KDM4C: variants seen among roughly 807,000 people sequenced by gnomAD.
KDM4C encodes lysine-specific demethylase 4C.
In KDM4C, 81 loss-of-function variants were observed where a neutral mutation model predicts 129.3. That is an observed-to-expected ratio of 0.63 (90% confidence interval 0.52 to 0.75). KDM4C has a LOEUF of 0.75. Ranked by LOEUF, KDM4C falls within the 30% of genes least tolerant of loss-of-function variation. KDM4C has a pLI of 0.00. For missense variants in KDM4C, 1,457 were observed against 1,304.0 expected (o/e 1.12, Z -1.81); for synonymous variants, 573 against 456.1 (o/e 1.26, Z -3.26).
intron 2 of KDM4C, among the ~76,000 whole-genome samples, chr9:6,793,807 T>C (rs1007544841): frequency 6.6e-6 from 1 of 152,162 alleles, no homozygotes; most frequent in Non-Finnish European, 1.5e-5. Flanking sequence ...CTTCCCAAAG[T>C]GCGGGGATTA....
At chr9:7,095,146 G>C (rs1836273218) in intron 17 of KDM4C, among the ~76,000 whole-genome samples, 1 of 152,218 alleles carries the variant, frequency 6.6e-6, no homozygotes, top group South Asian at 2.1e-4. Flanking sequence ...AAACTCACTT[G>C]TGGGACACAA....
chr9:7,044,381 G>A (rs16925196), intron 15 of KDM4C, among the ~76,000 whole-genome samples: 8,900 of 151,922 alleles, frequency 0.059, 302 homozygotes, highest in South Asian at 0.088. Flanking sequence ...GGCCATATTA[G>A]GTACTGAGAA....
intron 8 of KDM4C, 73 bp downstream of exon 8, chr9:6,893,305 C>T (rs1028178855): frequency 7.2e-6 from 9 of 1,241,708 alleles, no homozygotes; most frequent in South Asian, 1.5e-5. Flanking sequence ...CCCTACGATC[C>T]TGTGCAGCAT....
chr9:7,040,538 G>A (rs1828416932), intron 15 of KDM4C, among the ~76,000 whole-genome samples: 1 of 151,946 alleles, frequency 6.6e-6, no homozygotes, highest in South Asian at 2.1e-4. Flanking sequence ...TCCTCATTCT[G>A]AAGAACTTTA....
At position 7,023,888 on chromosome 9, in the gene KDM4C, C is replaced by T. The variant is rs1355401433; in HGVS notation, c.2259+7959C>T. On this transcript the variant is annotated intron_variant, in intron 15 of 21. Transcript: ENST00000381309. ...TTTCCTTCTTAGTTTCTACATGGAC[C>T]CACTGGTCATTCAGGAGCATATTGT... Among the ~76,000 whole-genome samples, 3 of 152,096 alleles carry T rather than the reference C, an allele frequency of 2.0e-5. No homozygotes were observed. The East Asian group carries it at 5.8e-4, about 29-fold the overall frequency.
At chr9:6,793,619 A>G (rs1380206702) in intron 2 of KDM4C, among the ~76,000 whole-genome samples, 2 of 149,264 alleles carry the variant, frequency 1.3e-5, no homozygotes, top group African/African-American at 5.0e-5. Flanking sequence ...GGCTCACTGC[A>G]ATCTCCACCT....
chr9:6,997,705 C>T (rs948281449), intron 12 of KDM4C, among the ~76,000 whole-genome samples: 7 of 152,162 alleles, frequency 4.6e-5, no homozygotes, highest in Non-Finnish European at 2.9e-5. Flanking sequence ...CTCTCTCTGG[C>T]CTCTTTCCTC....
chr9:6,739,617 T>C (rs1042284398), intron 1 of KDM4C, among the ~76,000 whole-genome samples: 4 of 151,658 alleles, frequency 2.6e-5, no homozygotes, highest in South Asian at 4.2e-4. Context: ...TATGAGTATA[T>C]TGATATGCAG....
At chr9:7,064,119 T>C (rs564072998) in intron 17 of KDM4C, among the ~76,000 whole-genome samples, 2 of 152,296 alleles carry the variant, frequency 1.3e-5, no homozygotes, top group Non-Finnish European at 2.9e-5. Context: ...TGAAGCACTT[T>C]AGATACAACT....
At chr9:6,875,482 T>A (rs1037037340) in intron 5 of KDM4C, among the ~76,000 whole-genome samples, 4 of 152,194 alleles carry the variant, frequency 2.6e-5, no homozygotes, top group Non-Finnish European at 5.9e-5. Flanking sequence ...TTTGTCCTGG[T>A]GCCTGGTAGG....
chr9:6,791,049 A>G (rs1458657854), intron 1 of KDM4C, among the ~76,000 whole-genome samples: 1 of 151,834 alleles, frequency 6.6e-6, no homozygotes, highest in Non-Finnish European at 1.5e-5. Flanking sequence ...TGTCTGGCCA[A>G]CTCCCATACC....
intron 1 of KDM4C, among the ~76,000 whole-genome samples, chr9:6,767,719 A>C (rs1282790406): frequency 6.6e-6 from 1 of 152,114 alleles, no homozygotes; most frequent in African/African-American, 2.4e-5. Context: ...TCAGCCTTCC[A>C]AAGTGCTGGG....
At chr9:6,988,603 T>C (rs1818161625) in intron 11 of KDM4C, among the ~76,000 whole-genome samples, 1 of 152,208 alleles carries the variant, frequency 6.6e-6, no homozygotes, top group Non-Finnish European at 1.5e-5. Context: ...TGTATGCTGA[T>C]AGCTGCTGGC....
chr9:6,854,541 A>C (rs998918431), intron 5 of KDM4C, among the ~76,000 whole-genome samples: 11 of 145,806 alleles, frequency 7.5e-5, no homozygotes, highest in African/African-American at 2.4e-4. Context: ...AAAAAAAAAA[A>C]AAAACAAAAA....
chr9:7,156,136 T>TAACA, intron 19 of KDM4C, among the ~76,000 whole-genome samples: 1 of 152,206 alleles, frequency 6.6e-6, no homozygotes, highest in African/African-American at 2.4e-5. Context: ...ATGTGTCTGT[T>TAACA]GGCTGCATAA....
At chr9:7,092,609 C>T (rs1057060115) in intron 17 of KDM4C, among the ~76,000 whole-genome samples, 3 of 152,082 alleles carry the variant, frequency 2.0e-5, no homozygotes, top group Admixed American at 6.6e-5. Context: ...CTTTTACTGC[C>T]GTGAAGCTTG....
At position 7,019,774 on chromosome 9, in the gene KDM4C, T is replaced by A. The variant is rs994913423; in HGVS notation, c.2259+3845T>A. Among the ~76,000 whole-genome samples, 4 of 130,596 alleles carry A rather than the reference T, an allele frequency of 3.1e-5. No individual in the cohort carries two copies. The Admixed American group carries it at 3.3e-4, about 11-fold the overall frequency. 85.7% of individuals were successfully genotyped at this position (130,596 alleles called of 152,430 possible). ...TTTTATATATAAAAATATAATATTT[T>A]TATATATAAAAATATTTTAGAAGCA... On this transcript the variant is annotated intron_variant, in intron 15 of 21. Coordinates refer to ENST00000381309, the MANE Select transcript of KDM4C (RefSeq NM_015061.6).
At chr9:6,950,601 G>A (rs371262078) in intron 8 of KDM4C, among the ~76,000 whole-genome samples, 1 of 152,154 alleles carries the variant, frequency 6.6e-6, no homozygotes, top group Non-Finnish European at 1.5e-5. Context: ...TGGTTTAAGT[G>A]AGATTATCTC....
intron 1 of KDM4C, among the ~76,000 whole-genome samples, chr9:6,749,986 CAAAAA>C (rs57999664): frequency 7.6e-4 from 42 of 55,598 alleles, no homozygotes; most frequent in Non-Finnish European, 1.3e-3. Flanking sequence ...AACTCCTTCT[CAAAAA>C]AAAAAAAAAA....
Sources: gnomAD v4.1 joint callset for allele counts (sites outside exome capture counted in the v4.1 genomes callset) on GRCh38, gnomAD v4.1.1 for gene constraint, MANE v1.5 for transcripts, NCBI Gene and HGNC (gene_info 2026-07-23, HGNC 2026-07-21) for gene names.